Variants in CARMIL1 observed in about 807,000 individuals in gnomAD.
CARMIL1 encodes the protein F-actin-uncapping protein LRRC16A.
In CARMIL1, 90 loss-of-function variants were observed where a neutral mutation model predicts 177.1. That is an observed-to-expected ratio of 0.51 (90% CI 0.43 to 0.61). The LOEUF is 0.61. Ranked by LOEUF, CARMIL1 falls within the 20% of genes least tolerant of loss-of-function variation. The pLI, the probability that CARMIL1 is intolerant of heterozygous loss-of-function variation, is 0.00. For synonymous variants in CARMIL1, 577 were observed against 606.2 expected, an observed-to-expected ratio of 0.95 and a Z score of 0.71; for missense variants, 1,380 against 1,667.0, an observed-to-expected ratio of 0.83 and a Z score of 3.00.
intron 8 of CARMIL1, among the ~76,000 whole-genome samples, chr6:25,458,731 G>C (rs1799753828): frequency 6.6e-6 from 1 of 152,136 alleles, no homozygotes; most frequent in Non-Finnish European, 1.5e-5. Context: ...GGCTGGGTTT[G>C]AACCCTGGCT....
At chr6:25,287,273 C>T (rs774867616) in intron 2 of CARMIL1, among the ~76,000 whole-genome samples, 4 of 152,202 alleles carry the variant, frequency 2.6e-5, no homozygotes, top group Non-Finnish European at 5.9e-5. Flanking sequence ...GCCCACCATT[C>T]ACTCCTTTTC....
chr6:25,509,686 G>A lies in CARMIL1; in HGVS notation c.1426G>A (p.Gly476Ser), dbSNP rs1805274643. ...ATCAGGAGGTGCTCAAGTATTAGAA[G>A]GTTGCATTGCTGAAATACACAACAT... is the stretch of plus-strand genomic sequence containing the variant. ...LRSGGAQVLE[G>S]CIAEIHNITS... is the part of the protein sequence containing the mutation. The change falls in exon 18 of 37, where the codon GGT (glycine) becomes AGT (serine). Residue 476 changes from glycine to serine, a missense_variant. Transcript: ENST00000329474. This position sits in a 1 kb window ranked among gnomAD's most constrained non-coding sequence, Gnocchi z 4.1. 6.2e-7 allele frequency: 1 copy of A among 1,604,036 alleles called. No homozygotes were observed. The highest frequency in any genetic ancestry group is 8.5e-7 in the Non-Finnish European group (1 of 1,174,890).
At chr6:25,329,393 G>A (rs1299372539) in intron 2 of CARMIL1, among the ~76,000 whole-genome samples, 1 of 152,162 alleles carries the variant, frequency 6.6e-6, no homozygotes, top group Admixed American at 6.5e-5. Flanking sequence ...TGCCCATGTT[G>A]ACTGCAATTT....
chr6:25,554,562 C>T lies in CARMIL1; in HGVS notation c.2592+466C>T, dbSNP rs1392800705. ...TAGCTGCTGACTGCCCCACAGGTGC[C>T]TTGGATATAACCAAGGTAAAAAAAA... is the stretch of plus-strand genomic sequence containing the variant. On this transcript the variant is annotated intron_variant, in intron 28 of 36. Transcript: ENST00000329474. This position sits in a 1 kb window ranked among gnomAD's most constrained non-coding sequence, Gnocchi z 4.6. Among the ~76,000 whole-genome samples the T allele has an allele frequency of 2.0e-5, 3 of 152,054 alleles. No individual in the cohort carries two copies. The highest frequency in any genetic ancestry group is 6.6e-5 in the Admixed American group (1 of 15,256).
chr6:25,506,693 C>CTA (rs1341777326), intron 17 of CARMIL1, among the ~76,000 whole-genome samples: 7 of 152,202 alleles, frequency 4.6e-5, no homozygotes, highest in Non-Finnish European at 1.0e-4. Context: ...TTGGAGAAAC[C>CTA]TATACCATTC....
rs200162397 is a variant in CARMIL1, at chr6:25,311,852, GAC to G, written c.138+26947_138+26948del. On this transcript the variant is annotated intron_variant, in intron 2 of 36. Coordinates refer to ENST00000329474, the MANE Select transcript of CARMIL1 (RefSeq NM_017640.6). ...AAGTGATCTCCAAGGTGATTTTGAA[GAC>G]ACAATTCTCCCATCCCACTCTCGAT... Among the ~76,000 whole-genome samples the G allele has an allele frequency of 3.0e-4, 46 of 152,330 alleles. No individual in the cohort carries two copies. The East Asian group carries it at 8.5e-3, about 28-fold the overall frequency.
chr6:25,377,107 C>T (rs761367083), intron 2 of CARMIL1, among the ~76,000 whole-genome samples: 2 of 152,210 alleles, frequency 1.3e-5, no homozygotes, highest in Non-Finnish European at 2.9e-5. Context: ...TCTGTGGATG[C>T]AGTTACCCTG....
At chr6:25,291,358 T>C (rs746543067) in intron 2 of CARMIL1, among the ~76,000 whole-genome samples, 4 of 152,166 alleles carry the variant, frequency 2.6e-5, no homozygotes, top group Non-Finnish European at 4.4e-5. Context: ...ATATCTCTCA[T>C]ATAGAAGTTT....
At chr6:25,300,716 ACT>A (rs1399940311) in intron 2 of CARMIL1, among the ~76,000 whole-genome samples, 1 of 152,108 alleles carries the variant, frequency 6.6e-6, no homozygotes, top group African/African-American at 2.4e-5. Context: ...TAAATCAGAA[ACT>A]CTGGCAGTGG....
intron 11 of CARMIL1, among the ~76,000 whole-genome samples, chr6:25,480,389 T>C (rs1801969745): frequency 6.6e-6 from 1 of 151,908 alleles, no homozygotes; most frequent in Non-Finnish European, 1.5e-5. Context: ...AGTAATTGTA[T>C]CTTCTTAATT....
intron 2 of CARMIL1, among the ~76,000 whole-genome samples, chr6:25,411,102 G>C (rs1794862707): frequency 6.6e-6 from 1 of 152,148 alleles, no homozygotes; most frequent in African/African-American, 2.4e-5. Context: ...TGTATTCCCT[G>C]AATAACTGTG....
chr6:25,454,555 C>T (rs1260775478), intron 8 of CARMIL1, among the ~76,000 whole-genome samples: 1 of 152,080 alleles, frequency 6.6e-6, no homozygotes, highest in Non-Finnish European at 1.5e-5. Flanking sequence ...AATATTTCTC[C>T]TTGTTTTATG....
chr6:25,353,885 T>C (rs1057361841), intron 2 of CARMIL1, among the ~76,000 whole-genome samples: 4 of 152,140 alleles, frequency 2.6e-5, no homozygotes, highest in Admixed American at 2.6e-4. Flanking sequence ...AGTCTAAGAG[T>C]GCTTCTCCGT....
chr6:25,483,510 C>G (rs1432505294), intron 12 of CARMIL1, among the ~76,000 whole-genome samples: 3 of 151,660 alleles, frequency 2.0e-5, no homozygotes, highest in Non-Finnish European at 4.4e-5. Flanking sequence ...TACCATCACC[C>G]CCACCAGTAC....
At chr6:25,584,156 CCTGAGTAG>C (rs1337348024) in intron 31 of CARMIL1, among the ~76,000 whole-genome samples, 1 of 150,780 alleles carries the variant, frequency 6.6e-6, no homozygotes, top group Non-Finnish European at 1.5e-5. Context: ...ACCTCAGCCT[CCTGAGTAG>C]CTGGGACTAC....
chr6:25,394,042 A>G (rs1249643309), intron 2 of CARMIL1, among the ~76,000 whole-genome samples: 3 of 152,186 alleles, frequency 2.0e-5, no homozygotes, highest in Non-Finnish European at 4.4e-5. Flanking sequence ...GATAAGTTGA[A>G]AGAGTGTTAA....
At chr6:25,319,576 A>G (rs924483684) in intron 2 of CARMIL1, among the ~76,000 whole-genome samples, 2 of 152,040 alleles carry the variant, frequency 1.3e-5, no homozygotes, top group Admixed American at 6.6e-5. Context: ...TTTTTAGTCT[A>G]ACTGCCCTAA....
intron 31 of CARMIL1, among the ~76,000 whole-genome samples, chr6:25,583,993 A>T (rs1183711694): frequency 6.7e-6 from 1 of 149,490 alleles, no homozygotes; most frequent in African/African-American, 2.5e-5. Flanking sequence ...GAAAGAGATA[A>T]TCTTATGTAC....
At chr6:25,490,766 T>G (rs1803149977) in intron 13 of CARMIL1, among the ~76,000 whole-genome samples, 1 of 151,900 alleles carries the variant, frequency 6.6e-6, no homozygotes, top group Non-Finnish European at 1.5e-5. Flanking sequence ...AAAATAAATG[T>G]CATTCTGTGT....
Sources: gnomAD v4.1 joint callset for allele counts (sites outside exome capture counted in the v4.1 genomes callset) on GRCh38, gnomAD v4.1.1 for gene constraint, Gnocchi (gnomAD v3.1) non-coding constraint, MANE v1.5 for transcripts, NCBI Gene and HGNC (gene_info 2026-07-23, HGNC 2026-07-21) for gene names.